PCED1B: variants seen among roughly 807,000 people sequenced by gnomAD.
PCED1B encodes PC-esterase domain-containing protein 1B.
For missense variants in PCED1B, 573 were observed against 573.9 expected (o/e 1.00, Z 0.02); for synonymous variants, 251 against 246.1 (o/e 1.02, Z -0.19).
chr12:47,202,620 G>C (rs4768786), intron 2 of PCED1B, among the ~76,000 whole-genome samples: 1 of 114,164 alleles, frequency 8.8e-6, no homozygotes. Flanking sequence ...AAAAAAAAAA[G>C]AAAAAAGAAA....
chr12:47,232,962 G>A (rs766419316), intron 3 of PCED1B, among the ~76,000 whole-genome samples: 1 of 149,506 alleles, frequency 6.7e-6, no homozygotes, highest in Non-Finnish European at 1.5e-5. Flanking sequence ...TTAGAGATGG[G>A]GTCTCACTTT....
chr12:47,094,900 C>CTT (rs59157160), intron 1 of PCED1B, among the ~76,000 whole-genome samples: 8 of 140,106 alleles, frequency 5.7e-5, no homozygotes, highest in African/African-American at 8.0e-5. Flanking sequence ...CTCTCTCTTT[C>CTT]TTTTTTTTTT....
intron 2 of PCED1B, among the ~76,000 whole-genome samples, chr12:47,172,978 G>A (rs776590741): frequency 1.8e-4 from 28 of 151,990 alleles, no homozygotes; most frequent in Admixed American, 6.5e-5. Context: ...GAGACAAGTT[G>A]TTGAAAAAGG....
At chr12:47,232,388 ATC>A (rs1206978343) in intron 3 of PCED1B, among the ~76,000 whole-genome samples, 1 of 152,188 alleles carries the variant, frequency 6.6e-6, no homozygotes, top group Non-Finnish European at 1.5e-5. Flanking sequence ...TTAATATTCT[ATC>A]TGTTTTAATA....
intron 2 of PCED1B, among the ~76,000 whole-genome samples, chr12:47,168,351 C>G (rs11183766): frequency 0.2 from 30,696 of 152,026 alleles, 3,948 homozygotes; most frequent in East Asian, 0.43. Context: ...GAAATGTTGC[C>G]GTTGAATCTA....
At chr12:47,190,461 G>A (rs963455966) in intron 2 of PCED1B, among the ~76,000 whole-genome samples, 2 of 152,222 alleles carry the variant, frequency 1.3e-5, no homozygotes, top group African/African-American at 4.8e-5. Context: ...TGCAGGTTAA[G>A]GATGAAGTGG....
At chr12:47,226,460 G>A (rs991818228) in intron 3 of PCED1B, among the ~76,000 whole-genome samples, 10 of 151,746 alleles carry the variant, frequency 6.6e-5, no homozygotes, top group Non-Finnish European at 1.5e-4. Context: ...TGCAACCTCC[G>A]CCTCCTGGGT....
chr12:47,147,145 C>A (rs1021658439), intron 2 of PCED1B, among the ~76,000 whole-genome samples: 1 of 151,914 alleles, frequency 6.6e-6, no homozygotes, highest in African/African-American at 2.4e-5. Context: ...GGACTACAGG[C>A]ATGTGTCACC....
rs1943258458 is a variant in PCED1B, at chr12:47,216,272, G to A, written c.-475G>A. 6.6e-6 allele frequency: 1 copy of A among 152,150 alleles called. No individual in the cohort carries two copies. Among genetic ancestry groups the A allele is most frequent in the African/African-American group, 2.4e-5 (1 of 41,432 alleles). 9.4% of individuals were successfully genotyped at this position (152,150 alleles called of 1,614,324 possible). On this transcript the variant is annotated 5_prime_UTR_variant, in exon 3 of 4. Transcript: ENST00000546455. ...ACAATAAGAGCCAAGGGTCTGAATT[G>A]TTTAATCAAAGGAAGAGTCAAAATA... is the stretch of plus-strand genomic sequence containing the variant.
intron 2 of PCED1B, among the ~76,000 whole-genome samples, chr12:47,212,534 A>C (rs551931673): frequency 1.3e-5 from 2 of 152,108 alleles, no homozygotes; most frequent in Non-Finnish European, 2.9e-5. Flanking sequence ...ACAGTTGCTC[A>C]ATCTCCCCGA....
At chr12:47,135,586 G>A (rs1940323128) in intron 2 of PCED1B, 1 of 503,594 alleles carries the variant, frequency 2.0e-6, no homozygotes, top group Admixed American at 2.1e-5. Flanking sequence ...CTTGGCAGTG[G>A]AGACACAGGC....
intron 2 of PCED1B, among the ~76,000 whole-genome samples, chr12:47,215,713 C>T (rs554024218): frequency 6.6e-6 from 1 of 152,266 alleles, no homozygotes; most frequent in South Asian, 2.1e-4. Context: ...GTGGACTGAG[C>T]CATTTTTCCA....
rs933728020 is a variant in PCED1B, at chr12:47,222,248, C to T, written c.-58+5559C>T. Among the ~76,000 whole-genome samples the T allele has an allele frequency of 5.3e-5, 8 of 151,274 alleles. No homozygotes were observed. In the East Asian group the frequency reaches 9.7e-4, roughly 18 times the overall value. ...CAGCCTGACCAACATGGAGAATCCCCGTCTCTACTAAAAATACAAAAAAAT... is the reference window on the plus strand; with the variant it reads ...CAGCCTGACCAACATGGAGAATCCCTGTCTCTACTAAAAATACAAAAAAAT... On this transcript the variant is annotated intron_variant, in intron 3 of 3. Transcript: ENST00000546455.
chr12:47,144,047 C>G (rs1940695206), intron 2 of PCED1B, among the ~76,000 whole-genome samples: 1 of 152,142 alleles, frequency 6.6e-6, no homozygotes, highest in Non-Finnish European at 1.5e-5. Flanking sequence ...TTTATGACAT[C>G]CTTTGAAATC....
chr12:47,118,078 CT>C (rs1160936125), intron 2 of PCED1B, among the ~76,000 whole-genome samples: 2 of 152,054 alleles, frequency 1.3e-5, no homozygotes, highest in African/African-American at 4.8e-5. Flanking sequence ...TGTTTAAGTT[CT>C]TTGTACATTC....
intron 2 of PCED1B, chr12:47,210,513 C>G (rs1402436761): frequency 6.6e-6 from 1 of 152,160 alleles, no homozygotes; most frequent in Non-Finnish European, 1.5e-5. Context: ...TGCCTGTAAT[C>G]CCAGCACTCT....
At chr12:47,113,963 A>AC (rs1565755178) in intron 2 of PCED1B, among the ~76,000 whole-genome samples, 9 of 88,016 alleles carry the variant, frequency 1.0e-4, no homozygotes, top group South Asian at 3.9e-4. Context: ...AAAGAAAAAA[A>AC]AAACACACAC....
chr12:47,147,947 T>C (rs1940852152), intron 2 of PCED1B, among the ~76,000 whole-genome samples: 1 of 152,228 alleles, frequency 6.6e-6, no homozygotes, highest in South Asian at 2.1e-4. Context: ...ACCAATTTTC[T>C]TCATTCCTTT....
chr12:47,105,940 CTAA>C (rs1190850848), intron 2 of PCED1B, among the ~76,000 whole-genome samples: 17 of 152,270 alleles, frequency 1.1e-4, no homozygotes, highest in African/African-American at 3.6e-4. Flanking sequence ...TCTAGATATT[CTAA>C]TAATGATGCC....
Sources: allele counts gnomAD v4.1 joint callset (sites outside exome capture counted in the v4.1 genomes callset), GRCh38; gene constraint gnomAD v4.1.1; transcripts MANE v1.5; gene names NCBI Gene and HGNC (gene_info 2026-07-23, HGNC 2026-07-21).